RARS2: variants seen among roughly 807,000 people sequenced by gnomAD.
The protein encoded by RARS2 is arginyl-tRNA synthetase 2, mitochondrial.
A neutral mutation model predicts 88.5 loss-of-function variants in RARS2; 67 were observed. The ratio of observed to expected loss-of-function variants is 0.76; its 90% confidence interval spans 0.62 to 0.93. The LOEUF is 0.93. RARS2 is among the 40% of genes least tolerant of loss of function. The probability of loss-of-function intolerance (pLI) is 0.00; values close to 1 mark genes in which losing one functional copy is unlikely to be tolerated. For synonymous variants in RARS2, 239 were observed against 230.3 expected (o/e 1.04, Z -0.34); for missense variants, 664 against 684.2 (o/e 0.97, Z 0.33).
chr6:87,564,059 T>C (rs1582723402), intron 3 of RARS2, 71 bp downstream of exon 3: 3 of 1,137,076 alleles, frequency 2.6e-6, no homozygotes, highest in East Asian at 2.4e-5. Flanking sequence ...ATGGCTGAGA[T>C]AGCCTGCAAA....
chr6:87,520,372 G>T, intron 12 of RARS2, 116 bp from the exon 13 acceptor site: 1 of 806,118 alleles, frequency 1.2e-6, no homozygotes, highest in Non-Finnish European at 2.0e-6. Flanking sequence ...GTCGTCAATT[G>T]ATATGTTTTA....
chr6:87,534,022 G>A (rs892664391), intron 8 of RARS2, among the ~76,000 whole-genome samples: 1 of 152,056 alleles, frequency 6.6e-6, no homozygotes, highest in South Asian at 2.1e-4. Flanking sequence ...AAAATGCACT[G>A]AATTTTTACC....
chr6:87,581,721 CA>C (rs1406461252), intron 1 of RARS2, among the ~76,000 whole-genome samples: 2 of 152,156 alleles, frequency 1.3e-5, no homozygotes, highest in African/African-American at 4.8e-5. Flanking sequence ...GCACCACAAG[CA>C]TTAGCTATTT....
chr6:87,544,177 C>T (rs1010386415), intron 7 of RARS2, among the ~76,000 whole-genome samples: 4 of 152,298 alleles, frequency 2.6e-5, no homozygotes, highest in Non-Finnish European at 5.9e-5. Context: ...ATGTCTAAAT[C>T]GGTCAAATTA....
chr6:87,550,893 A>G (rs189627273), intron 5 of RARS2, among the ~76,000 whole-genome samples: 55 of 152,090 alleles, frequency 3.6e-4, no homozygotes, highest in Non-Finnish European at 3.5e-4. Context: ...AGGAGGGTGA[A>G]TAAAACACTG....
At chr6:87,581,258 A>G (rs1773398494) in intron 1 of RARS2, among the ~76,000 whole-genome samples, 1 of 152,222 alleles carries the variant, frequency 6.6e-6, no homozygotes, top group Non-Finnish European at 1.5e-5. Flanking sequence ...TTTAGCAACC[A>G]GACATTCAGG....
chr6:87,536,026 T>A (rs1449364404), intron 8 of RARS2, among the ~76,000 whole-genome samples: 1 of 152,064 alleles, frequency 6.6e-6, no homozygotes, highest in Admixed American at 6.6e-5. Flanking sequence ...TACAGGCTAA[T>A]CCATATTTTA....
At chr6:87,542,055 AG>A in intron 7 of RARS2, 61 bp from the exon 8 acceptor site, 1 of 1,269,800 alleles carries the variant, frequency 7.9e-7, no homozygotes, top group Non-Finnish European at 1.1e-6. Context: ...TAGGCATGAC[AG>A]GGAATAGGTA....
intron 2 of RARS2, among the ~76,000 whole-genome samples, chr6:87,569,169 T>C (rs1345201760): frequency 6.6e-6 from 1 of 152,192 alleles, no homozygotes; most frequent in Admixed American, 6.5e-5. Flanking sequence ...TTAATATCCC[T>C]TCAAAAACCC....
chr6:87,579,680 A>C (rs1187187802), intron 1 of RARS2, among the ~76,000 whole-genome samples: 1 of 150,618 alleles, frequency 6.6e-6, no homozygotes, highest in African/African-American at 2.4e-5. Context: ...GAGAGAGAAA[A>C]TAAAACAAAT....
intron 7 of RARS2, among the ~76,000 whole-genome samples, chr6:87,543,568 G>C (rs1781701944): frequency 6.6e-6 from 1 of 152,100 alleles, no homozygotes; most frequent in African/African-American, 2.4e-5. Flanking sequence ...TTGAACCTGG[G>C]AGGCGGAGGT....
intron 1 of RARS2, among the ~76,000 whole-genome samples, chr6:87,573,236 G>C (rs1770358316): frequency 6.6e-6 from 1 of 152,138 alleles, no homozygotes; most frequent in African/African-American, 2.4e-5. Context: ...CACACGGTGG[G>C]AGCAGGAGGA....
chr6:87,516,314 C>A (rs1771720472), intron 18 of RARS2, among the ~76,000 whole-genome samples: 1 of 152,120 alleles, frequency 6.6e-6, no homozygotes, highest in South Asian at 2.1e-4. Flanking sequence ...CCCACCACCC[C>A]GAAAATAAGT....
intron 4 of RARS2, among the ~76,000 whole-genome samples, chr6:87,561,360 C>T (rs1175723058): frequency 1.3e-5 from 2 of 152,182 alleles, no homozygotes; most frequent in East Asian, 3.8e-4. Context: ...AAATATACAG[C>T]CTATCAATAG....
intron 1 of RARS2, among the ~76,000 whole-genome samples, chr6:87,572,264 A>T (rs569044638): frequency 3.6e-4 from 55 of 152,340 alleles, no homozygotes; most frequent in Non-Finnish European, 6.9e-4. Flanking sequence ...GACTAAGAAA[A>T]ATATGTCATA....
chr6:87,519,175 TA>T lies in RARS2; in HGVS notation c.1238-285del. On this transcript the variant is annotated intron_variant, in intron 14 of 19. Transcript: ENST00000369536. ...ATATATGTATGTGTGTATATATATA[TA>T]AATATATATGTGTGTGTGTGTGTGT... 12 of 278,940 alleles carry T rather than the reference TA, an allele frequency of 4.3e-5. No individual in the cohort carries two copies. The South Asian group carries it at 4.5e-4, about 11-fold the overall frequency. 17.3% of individuals were successfully genotyped at this position (278,940 alleles called of 1,614,324 possible).
intron 11 of RARS2, 79 bp downstream of exon 11, chr6:87,524,478 C>T (rs555817740): frequency 2.0e-5 from 22 of 1,084,986 alleles, no homozygotes; most frequent in Non-Finnish European, 3.1e-5. Context: ...TCCGATAATG[C>T]ATAATTAATT....
chr6:87,563,092 G>A (rs1197653166), intron 3 of RARS2, among the ~76,000 whole-genome samples: 1 of 151,968 alleles, frequency 6.6e-6, no homozygotes, highest in African/African-American at 2.4e-5. Context: ...TACCTACTCT[G>A]ACATACGATG....
chr6:87,581,750 C>T (rs1773534879), intron 1 of RARS2, among the ~76,000 whole-genome samples: 1 of 152,174 alleles, frequency 6.6e-6, no homozygotes, highest in South Asian at 2.1e-4. Context: ...AGCTCTCACT[C>T]TTCCCACCCC....
Sources: gnomAD v4.1 joint callset for allele counts (sites outside exome capture counted in the v4.1 genomes callset) on GRCh38, gnomAD v4.1.1 for gene constraint, MANE v1.5 for transcripts, NCBI Gene and HGNC (gene_info 2026-07-23, HGNC 2026-07-21) for gene names.